ADAM22: variants seen among roughly 807,000 people sequenced by gnomAD.
ADAM22 encodes the protein disintegrin and metalloproteinase domain-containing protein 22.
Under a neutral mutation model 144.6 loss-of-function variants are expected in ADAM22, and 65 were observed. The ratio of observed to expected loss-of-function variants is 0.45; its 90% confidence interval spans 0.37 to 0.55. ADAM22 has a LOEUF of 0.55. Ranked by LOEUF, ADAM22 falls within the 20% of genes least tolerant of loss-of-function variation. The probability of loss-of-function intolerance (pLI) is 0.00; values close to 1 mark genes in which losing one functional copy is unlikely to be tolerated. For synonymous variants in ADAM22, 391 were observed against 412.6 expected, an observed-to-expected ratio of 0.95 and a Z score of 0.63; for missense variants, 974 against 1,184.9, an observed-to-expected ratio of 0.82 and a Z score of 2.61.
chr7:88,150,265 G>C (rs1837939267), intron 18 of ADAM22, among the ~76,000 whole-genome samples: 1 of 152,036 alleles, frequency 6.6e-6, no homozygotes, highest in Non-Finnish European at 1.5e-5. Flanking sequence ...ACTTTTCTTT[G>C]CTGCACTTTC....
At chr7:88,044,521 A>G (rs1585213676) in intron 3 of ADAM22, among the ~76,000 whole-genome samples, 1 of 152,034 alleles carries the variant, frequency 6.6e-6, no homozygotes, top group African/African-American at 2.4e-5. Context: ...GTCTCGGCTC[A>G]CTGCAACCTC....
chr7:88,097,400 A>G (rs994364511), intron 4 of ADAM22, among the ~76,000 whole-genome samples: 1 of 151,636 alleles, frequency 6.6e-6, no homozygotes. Flanking sequence ...CACCCGCCTC[A>G]GTCTCCCAAA....
intron 7 of ADAM22, among the ~76,000 whole-genome samples, chr7:88,120,080 G>A (rs1387312142): frequency 1.3e-5 from 2 of 152,036 alleles, no homozygotes; most frequent in Non-Finnish European, 2.9e-5. Flanking sequence ...TATATCTTGG[G>A]TGGGATTGGA....
intron 2 of ADAM22, among the ~76,000 whole-genome samples, chr7:87,970,311 T>A (rs1428731479): frequency 1.3e-5 from 2 of 152,200 alleles, no homozygotes; most frequent in Non-Finnish European, 2.9e-5. Context: ...GTAGTTTTTT[T>A]AAACTGAGCT....
intron 7 of ADAM22, among the ~76,000 whole-genome samples, chr7:88,123,017 A>C (rs114533798): frequency 3.3e-5 from 5 of 152,192 alleles, no homozygotes; most frequent in Non-Finnish European, 7.3e-5. Context: ...TTCTATGTCT[A>C]TTACGGGATC....
chr7:88,201,756 G>A lies in ADAM22; in HGVS notation c.*5265G>A, dbSNP rs1291314088. The A allele has an allele frequency of 6.6e-6, 1 of 152,042 alleles. No homozygotes were observed. The highest frequency in any genetic ancestry group is 1.5e-5 in the Non-Finnish European group (1 of 67,990). The allele number at this position is 152,042 out of a possible 1,614,324, so 9.4% of individuals were successfully genotyped here. ...AGGCAATATGTGTGTTTTTGGTTTT[G>A]TTTTACAAAAAGGCATACAATGAGA... is the stretch of plus-strand genomic sequence containing the variant. On this transcript the variant is annotated 3_prime_UTR_variant, in exon 32 of 32. Transcript: ENST00000413139.
At chr7:87,936,871 TAG>T (rs551385782) in intron 2 of ADAM22, among the ~76,000 whole-genome samples, 2 of 149,916 alleles carry the variant, frequency 1.3e-5, no homozygotes, top group Admixed American at 6.7e-5. Context: ...TATATATATA[TAG>T]AGAGAGAGAG....
At chr7:88,025,182 T>C (rs1323595985) in intron 3 of ADAM22, among the ~76,000 whole-genome samples, 1 of 152,186 alleles carries the variant, frequency 6.6e-6, no homozygotes, top group African/African-American at 2.4e-5. Flanking sequence ...TGTAAAAGTG[T>C]TCCTATTTCT....
intron 26 of ADAM22, among the ~76,000 whole-genome samples, chr7:88,172,448 TCCTATTTACTTAA>T (rs1215561153): frequency 6.6e-6 from 1 of 151,952 alleles, no homozygotes; most frequent in Admixed American, 6.6e-5. Flanking sequence ...TTATGCAGAT[TCCTATTTACTTAA>T]CCTTTTCCAT....
At position 87,949,335 on chromosome 7, in the gene ADAM22, A is replaced by T. The variant is rs145543516; in HGVS notation, c.246+14149A>T. ...GAGGGAGACAGCCAAATAAAATGAC[A>T]GGAACTTGGACAATGATTGGCATAC... On this transcript the variant is annotated intron_variant, in intron 2 of 31. Transcript: ENST00000413139. Among the ~76,000 whole-genome samples, 479 of 152,334 alleles carry T rather than the reference A, an allele frequency of 3.1e-3. 1 individual carries two copies. The highest frequency in any genetic ancestry group is 0.011 in the African/African-American group (458 of 41,572).
At chr7:88,192,492 C>A (rs1849834356) in intron 30 of ADAM22, among the ~76,000 whole-genome samples, 1 of 152,146 alleles carries the variant, frequency 6.6e-6, no homozygotes, top group East Asian at 1.9e-4. Flanking sequence ...ACTAATTAGA[C>A]CATTTTTGTA....
intron 22 of ADAM22, among the ~76,000 whole-genome samples, chr7:88,161,180 T>A (rs1841525009): frequency 7.0e-6 from 1 of 143,124 alleles, no homozygotes. Context: ...CTCAAATAAA[T>A]TCAACATATT....
intron 2 of ADAM22, among the ~76,000 whole-genome samples, chr7:87,936,648 A>T (rs182699790): frequency 6.6e-6 from 1 of 152,254 alleles, no homozygotes; most frequent in East Asian, 1.9e-4. Context: ...AGCAAATCAT[A>T]TCATTTCATT....
intron 3 of ADAM22, among the ~76,000 whole-genome samples, chr7:88,012,314 A>G (rs1018997087): frequency 6.6e-6 from 1 of 152,176 alleles, no homozygotes; most frequent in Non-Finnish European, 1.5e-5. Flanking sequence ...TGATAGTTCC[A>G]AAATCTATGT....
chr7:88,132,746 T>C, intron 11 of ADAM22, 121 bp from the exon 12 acceptor site: 1 of 709,344 alleles, frequency 1.4e-6, no homozygotes, highest in Non-Finnish European at 2.3e-6. Flanking sequence ...TCCCTTGCAA[T>C]GTGAATATAT....
At chr7:88,037,100 A>G (rs1342748637) in intron 3 of ADAM22, among the ~76,000 whole-genome samples, 1 of 152,168 alleles carries the variant, frequency 6.6e-6, no homozygotes, top group African/African-American at 2.4e-5. Context: ...CTTGAACTCT[A>G]TAAATGATGC....
At chr7:88,073,461 TG>T (rs1473009818) in intron 3 of ADAM22, among the ~76,000 whole-genome samples, 1 of 152,176 alleles carries the variant, frequency 6.6e-6, no homozygotes, top group East Asian at 1.9e-4. Context: ...GAGCCAACCC[TG>T]GAACTGCCCT....
At chr7:88,009,599 T>TA (rs879540009) in intron 3 of ADAM22, among the ~76,000 whole-genome samples, 8 of 115,962 alleles carry the variant, frequency 6.9e-5, no homozygotes, top group Admixed American at 9.3e-5. Flanking sequence ...GCTATTCTAA[T>TA]AAAAAAAAGT....
At chr7:87,942,366 A>G (rs1450722268) in intron 2 of ADAM22, among the ~76,000 whole-genome samples, 2 of 152,188 alleles carry the variant, frequency 1.3e-5, no homozygotes, top group African/African-American at 4.8e-5. Flanking sequence ...GTGACAGGTA[A>G]TACTTATCTG....
Sources: gnomAD v4.1 joint callset for allele counts (sites outside exome capture counted in the v4.1 genomes callset) on GRCh38, gnomAD v4.1.1 for gene constraint, MANE v1.5 for transcripts, NCBI Gene and HGNC (gene_info 2026-07-23, HGNC 2026-07-21) for gene names.